P2RX5: variants seen among roughly 807,000 people sequenced by gnomAD.
The protein encoded by P2RX5 is purinergic receptor P2X 5.
A neutral mutation model predicts 54.1 loss-of-function variants in P2RX5; 46 were observed. The ratio of observed to expected loss-of-function variants is 0.85; its 90% CI spans 0.67 to 1.09. The LOEUF (loss-of-function observed/expected upper bound fraction) is 1.09. Among genes scored for constraint, P2RX5 ranks in the 50% least tolerant of loss-of-function variants. The pLI, the probability that P2RX5 is intolerant of heterozygous loss-of-function variation, is 0.00. For missense variants in P2RX5, 566 were observed against 549.8 expected, an observed-to-expected ratio of 1.03 and a Z score of -0.29; for synonymous variants, 226 against 226.4, an observed-to-expected ratio of 1.00 and a Z score of 0.02.
intron 9 of P2RX5, 168 bp from the exon 10 acceptor site, chr17:3,682,146 C>T (rs898315309): frequency 7.5e-6 from 5 of 663,814 alleles, no homozygotes; most frequent in Non-Finnish European, 1.4e-5. Context: ...TCCGACACCA[C>T]AGAGCTGGTC....
chr17:3,677,667 G>A (rs1188749613), intron 11 of P2RX5: 6 of 985,160 alleles, frequency 6.1e-6, no homozygotes, highest in East Asian at 1.1e-4. Context: ...GGAATTACAC[G>A]CGGGCCCCTC....
At chr17:3,706,927 A>G in the P2RX5 span, among the ~76,000 whole-genome samples, 1 of 152,250 alleles carries the variant, frequency 6.6e-6, no homozygotes, top group Non-Finnish European at 1.5e-5. Context: ...TGATACCAAC[A>G]GAAATTGTAT....
At chr17:3,719,257 G>GAAAA in the P2RX5 span, among the ~76,000 whole-genome samples, 1 of 123,648 alleles carries the variant, frequency 8.1e-6, no homozygotes, top group African/African-American at 4.0e-5. Flanking sequence ...AAAAAAAAAA[G>GAAAA]AAAAGAAAAG....
chr17:3,687,987 T>A, intron 9 of P2RX5, 25 bp downstream of exon 9: 1 of 756,374 alleles, frequency 1.3e-6, no homozygotes, highest in Non-Finnish European at 2.1e-6. Flanking sequence ...CCGCCCAGCC[T>A]CAGAACAGGA....
chr17:3,712,428 C>T, the P2RX5 span, among the ~76,000 whole-genome samples: 1 of 152,100 alleles, frequency 6.6e-6, no homozygotes, highest in Non-Finnish European at 1.5e-5. Context: ...GCAGAGCAGC[C>T]GGGGCTGGGA....
At position 3,691,815 on chromosome 17, in the gene P2RX5, C is replaced by A. The variant is rs774534125; in HGVS notation, c.138-21G>T. The A allele has an allele frequency of 2.5e-6, 4 of 1,613,872 alleles. No individual in the cohort carries two copies. The South Asian group carries it at 3.3e-5, about 13-fold the overall frequency. On this transcript the variant is annotated intron_variant, in intron 1 of 11. Coordinates refer to ENST00000225328, the MANE Select transcript of P2RX5 (RefSeq NM_002561.4). ...CCCATCTGTGGGAAGGGGGCCGGTA[C>A]GTGGGCATCAGCCACTCTGCTGGCT...
At chr17:3,689,234 C>T (rs985312114) in intron 7 of P2RX5, among the ~76,000 whole-genome samples, 1 of 149,586 alleles carries the variant, frequency 6.7e-6, no homozygotes, top group African/African-American at 2.5e-5. Context: ...CCCGCTGCCA[C>T]GGCCTGCCTG....
intron 10 of P2RX5, among the ~76,000 whole-genome samples, 167 bp from the exon 11 acceptor site, chr17:3,679,951 ATCCTCCACCCTGCTCTCTCCACCCTGAG>A (rs2050195048): frequency 1.4e-5 from 2 of 147,916 alleles, no homozygotes; most frequent in Non-Finnish European, 1.5e-5. Context: ...TCCACCCTGC[ATCCTCCACCCTGCTCTCTCCACCCTGAG>A]TCCTCCACCC....
intron 11 of P2RX5, chr17:3,678,195 G>C (rs2050147831): frequency 1.4e-6 from 1 of 722,740 alleles, no homozygotes; most frequent in South Asian, 6.2e-5. Context: ...GCCGGTGGGT[G>C]GGCCAGCCTC....
chr17:3,673,819 T>G lies in P2RX5; in HGVS notation c.*49A>C. 2 of 1,612,536 alleles carry G rather than the reference T, an allele frequency of 1.2e-6. No individual in the cohort carries two copies. Among genetic ancestry groups the G allele is most frequent in the Non-Finnish European group, 1.7e-6 (2 of 1,179,980 alleles). ...TTCCCAAAGGCATGGGATCACTGGG[T>G]GCTAGACGGCTGGGTTTAGGACAGG... is the stretch of plus-strand genomic sequence containing the variant. On this transcript the variant is annotated 3_prime_UTR_variant, in exon 12 of 12. Transcript: ENST00000225328.
the P2RX5 span, chr17:3,723,437 A>C: frequency 2.2e-6 from 3 of 1,343,242 alleles, no homozygotes; most frequent in East Asian, 6.9e-5. Flanking sequence ...AAAGTCTGAA[A>C]TCTTTTTAAC....
intron 9 of P2RX5, chr17:3,685,660 CA>C (rs2050434621): frequency 7.4e-5 from 1 of 13,474 alleles, no homozygotes; most frequent in African/African-American, 8.3e-5. Context: ...GTCCCCCTCC[CA>C]GCCTGAGAAC....
At chr17:3,673,974 T>G in intron 11 of P2RX5, 97 bp from the exon 12 acceptor site, 1 of 1,142,536 alleles carries the variant, frequency 8.8e-7, no homozygotes, top group Non-Finnish European at 1.3e-6. Flanking sequence ...TTCCCAAGTC[T>G]GAAAAGAGCT....
the P2RX5 span, among the ~76,000 whole-genome samples, chr17:3,710,671 G>A: frequency 6.6e-6 from 1 of 151,780 alleles, no homozygotes. Flanking sequence ...CTCACGCCTG[G>A]AATCCCAGCA....
intron 11 of P2RX5, chr17:3,676,711 G>T (rs542571850): frequency 3.7e-5 from 8 of 215,724 alleles, no homozygotes; most frequent in African/African-American, 1.9e-4. Context: ...TGGGTGGGGG[G>T]CGGGGGAGCT....
the P2RX5 span, chr17:3,723,195 G>A: frequency 1.1e-6 from 1 of 896,880 alleles, no homozygotes; most frequent in African/African-American, 1.6e-5. Flanking sequence ...TTTTGGACAT[G>A]GACATGTTAT....
intron 11 of P2RX5, among the ~76,000 whole-genome samples, chr17:3,674,750 C>T (rs2050063362): frequency 6.6e-6 from 1 of 152,210 alleles, no homozygotes; most frequent in Non-Finnish European, 1.5e-5. Context: ...ATGCTTCCCC[C>T]TCACCTAGTT....
the P2RX5 span, chr17:3,720,381 G>C: frequency 6.4e-7 from 1 of 1,552,886 alleles, no homozygotes; most frequent in South Asian, 1.1e-5. Flanking sequence ...AGGATCTGCA[G>C]TTCAGTTACA....
At chr17:3,675,285 C>G in intron 11 of P2RX5, 2 of 869,910 alleles carry the variant, frequency 2.3e-6, no homozygotes, top group Non-Finnish European at 2.8e-6. Flanking sequence ...GGCAATCTGC[C>G]CGCCTCGGCC....
Sources: gnomAD v4.1 joint callset for allele counts (sites outside exome capture counted in the v4.1 genomes callset) on GRCh38, gnomAD v4.1.1 for gene constraint, MANE v1.5 for transcripts, NCBI Gene and HGNC (gene_info 2026-07-23, HGNC 2026-07-21) for gene names.